Variants in SORCS2 observed in about 807,000 individuals in gnomAD.
The protein encoded by SORCS2 is VPS10 domain-containing receptor SorCS2.
A neutral mutation model predicts 141.6 loss-of-function variants in SORCS2; 100 were observed. The observed-to-expected ratio is 0.71, with a 90% CI of 0.60 to 0.83. SORCS2 has a LOEUF of 0.83. Ranked by LOEUF, SORCS2 falls within the 40% of genes least tolerant of loss-of-function variation. The pLI is 0.00. For synonymous variants in SORCS2, 789 were observed against 676.9 expected (o/e 1.17, Z -2.57); for missense variants, 1,646 against 1,560.2 (o/e 1.05, Z -0.93).
At chr4:7,457,249 T>C (rs1325510690) in intron 2 of SORCS2, among the ~76,000 whole-genome samples, 2 of 152,178 alleles carry the variant, frequency 1.3e-5, no homozygotes. Context: ...CAGCCTGTCA[T>C]CTCCATGTAG....
intron 2 of SORCS2, among the ~76,000 whole-genome samples, chr4:7,418,327 C>T (rs545255181): frequency 2.0e-5 from 3 of 152,248 alleles, no homozygotes; most frequent in East Asian, 1.9e-4. Flanking sequence ...CGGAAGTGCA[C>T]GGGACGGGGC....
chr4:7,518,954 G>A (rs983533870), intron 2 of SORCS2, among the ~76,000 whole-genome samples: 10 of 152,152 alleles, frequency 6.6e-5, no homozygotes, highest in African/African-American at 2.4e-4. Flanking sequence ...TGTGGGAGCT[G>A]CCAAGGTAAC....
intron 2 of SORCS2, among the ~76,000 whole-genome samples, chr4:7,400,207 T>A (rs571456552): frequency 1.6e-3 from 248 of 152,084 alleles, no homozygotes; most frequent in African/African-American, 5.5e-3. Flanking sequence ...CTGTTCAGTG[T>A]CCAGTGACAG....
At chr4:7,724,317 TGG>T (rs1577121405) in intron 19 of SORCS2, among the ~76,000 whole-genome samples, 1 of 130,224 alleles carries the variant, frequency 7.7e-6, no homozygotes, top group East Asian at 2.1e-4. Flanking sequence ...GTGGTGGTGG[TGG>T]TGGTGATAGG....
intron 12 of SORCS2, among the ~76,000 whole-genome samples, chr4:7,702,148 A>C (rs1029046954): frequency 5.3e-5 from 8 of 151,896 alleles, no homozygotes; most frequent in African/African-American, 1.9e-4. Flanking sequence ...TGCTGGCCCT[A>C]GTGGGGTCTG....
chr4:7,591,797 C>T (rs954427628), intron 3 of SORCS2, among the ~76,000 whole-genome samples: 15 of 152,154 alleles, frequency 9.9e-5, no homozygotes, highest in African/African-American at 2.9e-4. Context: ...GCGGGCCTGT[C>T]GTCAGGGGTG....
At chr4:7,709,699 G>T (rs921385281) in intron 14 of SORCS2, among the ~76,000 whole-genome samples, 10 of 152,304 alleles carry the variant, frequency 6.6e-5, no homozygotes, top group Middle Eastern at 3.4e-3. Flanking sequence ...CGGCCACTCT[G>T]TCCTTCCCGG....
At chr4:7,343,900 C>T (rs1720509825) in intron 1 of SORCS2, among the ~76,000 whole-genome samples, 1 of 152,212 alleles carries the variant, frequency 6.6e-6, no homozygotes, top group Non-Finnish European at 1.5e-5. Flanking sequence ...CTGTGAGTGG[C>T]CCGAGGCCCT....
At chr4:7,386,183 A>C (rs1326433582) in intron 1 of SORCS2, among the ~76,000 whole-genome samples, 3 of 144,506 alleles carry the variant, frequency 2.1e-5, no homozygotes, top group South Asian at 2.3e-4. Flanking sequence ...GCACGCACAC[A>C]CATGCACACA....
Position 7,329,201 on chromosome 4 carries a change from G to A in SORCS2, c.481-67087G>A, listed in dbSNP as rs147764730. Among the ~76,000 whole-genome samples, 398 of 152,306 alleles carry A rather than the reference G, an allele frequency of 2.6e-3. 1 individual carries two copies. Among genetic ancestry groups the A allele is most frequent in the African/African-American group, 9.0e-3 (376 of 41,572 alleles). ...CCTCCACTCAGTAGGGGCTCCGAAT[G>A]GCCCACAGAGCCCTGGCTTACAGGC... On this transcript the variant is annotated intron_variant, in intron 1 of 26. Coordinates refer to ENST00000507866, the MANE Select transcript of SORCS2 (RefSeq NM_020777.3).
chr4:7,318,554 T>A (rs3894740), intron 1 of SORCS2, among the ~76,000 whole-genome samples: 89,346 of 152,008 alleles, frequency 0.59, 26,327 homozygotes, highest in South Asian at 0.72. Flanking sequence ...CGTGCCCAGT[T>A]TTGATGGTAA....
At chr4:7,434,929 A>G in intron 2 of SORCS2, 5 of 1,475,172 alleles carry the variant, frequency 3.4e-6, no homozygotes, top group South Asian at 1.4e-5. Flanking sequence ...GGCTGCTGCT[A>G]TAAACCTGGC....
intron 1 of SORCS2, among the ~76,000 whole-genome samples, chr4:7,265,909 C>G (rs1231257867): frequency 6.6e-6 from 1 of 152,092 alleles, no homozygotes; most frequent in Non-Finnish European, 1.5e-5. Flanking sequence ...CCAAATTCAG[C>G]CCAGGACCAG....
rs140112015 is a variant in SORCS2 at position 7,703,570 on chromosome 4, G to A, written c.1760+199G>A. On this transcript the variant is annotated intron_variant, in intron 13 of 26. Coordinates refer to ENST00000507866, the MANE Select transcript of SORCS2 (RefSeq NM_020777.3). ...CTGAGGGGTCGTGGAGATGGACTTC[G>A]TCTTGCCATCGGGAGACAGGCACAG... Among the ~76,000 whole-genome samples, 48 of 152,270 alleles carry A rather than the reference G, an allele frequency of 3.2e-4. No individual in the cohort carries two copies. The East Asian group carries it at 6.6e-3, about 21-fold the overall frequency.
chr4:7,469,849 G>A (rs1293230375), intron 2 of SORCS2, among the ~76,000 whole-genome samples: 2 of 152,204 alleles, frequency 1.3e-5, no homozygotes, highest in Non-Finnish European at 2.9e-5. Flanking sequence ...CTCATGGGGA[G>A]GCGAACAGGC....
At chr4:7,682,395 C>G (rs1240666363) in intron 9 of SORCS2, among the ~76,000 whole-genome samples, 2 of 152,130 alleles carry the variant, frequency 1.3e-5, no homozygotes, top group Non-Finnish European at 2.9e-5. Context: ...ACCTCTGAGG[C>G]AAGGATGGGG....
In SORCS2 at chr4:7,508,499, C is replaced by T. The variant is rs147820656; in HGVS notation, c.549-23031C>T. On this transcript the variant is annotated intron_variant, in intron 2 of 26. Coordinates refer to ENST00000507866, the MANE Select transcript of SORCS2 (RefSeq NM_020777.3). ...CCAAGTAGCTGGGACTACTGGCATC[C>T]GCTAATTTTTGTATTTTTAGTAGAG... Among the ~76,000 whole-genome samples the T allele has an allele frequency of 1.9e-3, 292 of 151,998 alleles. 3 individuals carry two copies. The highest frequency in any genetic ancestry group is 6.8e-3 in the African/African-American group (283 of 41,444).
At chr4:7,479,823 T>C (rs113531108) in intron 2 of SORCS2, among the ~76,000 whole-genome samples, 9 of 152,364 alleles carry the variant, frequency 5.9e-5, no homozygotes, top group African/African-American at 2.2e-4. Context: ...AGTCAGCCTC[T>C]CACTCTCTGA....
In SORCS2 at chr4:7,361,017, TGG is replaced by T. The variant is rs1355148586; in HGVS notation, c.481-35270_481-35269del. The stretch of plus-strand genomic sequence containing the variant: ...CATCCCCTTGCAACTGGAAGCTCCC[TGG>T]AGCTTCTGTGACAGCTATGCAGCTT... On this transcript the variant is annotated intron_variant, in intron 1 of 26. Coordinates refer to ENST00000507866, the MANE Select transcript of SORCS2 (RefSeq NM_020777.3). 4.6e-5 allele frequency among the ~76,000 whole-genome samples: 7 copies of T among 152,204 alleles called. No individual in the cohort carries two copies. In the South Asian group the frequency reaches 1.5e-3, roughly 32 times the overall value.
Sources: gnomAD v4.1 joint callset for allele counts (sites outside exome capture counted in the v4.1 genomes callset) on GRCh38, gnomAD v4.1.1 for gene constraint, MANE v1.5 for transcripts, NCBI Gene and HGNC (gene_info 2026-07-23, HGNC 2026-07-21) for gene names.